Variants in GRHL2 observed in about 807,000 individuals in gnomAD.
GRHL2 encodes the protein grainyhead like transcription factor 2, also known as grainyhead-like protein 2 homolog.
In GRHL2, 21 loss-of-function variants were observed where a neutral mutation model predicts 83.8. That is an observed-to-expected ratio of 0.25 (90% CI 0.18 to 0.36). The LOEUF (loss-of-function observed/expected upper bound fraction) is 0.36. Ranked by LOEUF, GRHL2 falls within the 10% of genes least tolerant of loss-of-function variation. The probability of loss-of-function intolerance (pLI) is 1.00; values close to 1 mark genes in which losing one functional copy is unlikely to be tolerated. For missense variants in GRHL2, 623 were observed against 781.8 expected, an observed-to-expected ratio of 0.80 and a Z score of 2.42; for synonymous variants, 280 against 278.9, an observed-to-expected ratio of 1.00 and a Z score of -0.04.
At chr8:101,628,120 GAACA>G (rs1228987153) in intron 9 of GRHL2, among the ~76,000 whole-genome samples, 1 of 152,154 alleles carries the variant, frequency 6.6e-6, no homozygotes, top group African/African-American at 2.4e-5. Context: ...TTTCATTGTA[GAACA>G]AACAGCCTTC....
intron 4 of GRHL2, among the ~76,000 whole-genome samples, chr8:101,567,426 C>A (rs1811739661): frequency 6.6e-6 from 1 of 152,168 alleles, no homozygotes. Flanking sequence ...CATTTTGATT[C>A]TAATTCCTAA....
chr8:101,665,112 T>A (rs145196813), intron 15 of GRHL2, among the ~76,000 whole-genome samples: 57 of 152,294 alleles, frequency 3.7e-4, no homozygotes, highest in Admixed American at 2.6e-4. Context: ...GATTTATTGA[T>A]GAAGAAAGCA....
chr8:101,603,719 G>A (rs1197573793), intron 8 of GRHL2, among the ~76,000 whole-genome samples: 1 of 152,198 alleles, frequency 6.6e-6, no homozygotes. Context: ...AATGACACAT[G>A]CAGCAGGAAT....
At chr8:101,640,438 A>G (rs1317630912) in intron 12 of GRHL2, among the ~76,000 whole-genome samples, 1 of 152,154 alleles carries the variant, frequency 6.6e-6, no homozygotes, top group Admixed American at 6.5e-5. Flanking sequence ...CAAACAAATA[A>G]TTTTCTGTAG....
chr8:101,509,114 C>T (rs1183445396), intron 1 of GRHL2, among the ~76,000 whole-genome samples: 12 of 23,586 alleles, frequency 5.1e-4, no homozygotes, highest in African/African-American at 1.4e-3. Context: ...TCTCTCCTTC[C>T]TTCCTTCCTT....
Position 101,644,124 on chromosome 8 carries a change from T to G in GRHL2, c.1518-7T>G. ...TTTACTTAAGGATTTCTGCTTATCT[T>G]TTCTAGTGGCAGTGTCCTTGTTAAA... On this transcript the variant is annotated splice_region_variant and splice_polypyrimidine_tract_variant and intron_variant, in intron 12 of 15. Transcript: ENST00000646743. The G allele has an allele frequency of 6.2e-7, 1 of 1,613,298 alleles. No individual in the cohort carries two copies. Among genetic ancestry groups the G allele is most frequent in the African/African-American group, 1.3e-5 (1 of 75,050 alleles).
At chr8:101,546,445 TGTTGCCCAG>T (rs1811268700) in intron 2 of GRHL2, among the ~76,000 whole-genome samples, 1 of 151,110 alleles carries the variant, frequency 6.6e-6, no homozygotes, top group African/African-American at 2.4e-5. Flanking sequence ...AGTCTCGCTC[TGTTGCCCAG>T]GCTGGAGTGC....
At chr8:101,662,258 G>T (rs563401559) in intron 14 of GRHL2, among the ~76,000 whole-genome samples, 1 of 152,142 alleles carries the variant, frequency 6.6e-6, no homozygotes, top group South Asian at 2.1e-4. Flanking sequence ...TCCTTGGCTC[G>T]TTTGGCTCAG....
chr8:101,670,604 T>A (rs1187200968), downstream of GRHL2, among the ~76,000 whole-genome samples: 1 of 151,998 alleles, frequency 6.6e-6, no homozygotes, highest in Non-Finnish European at 1.5e-5. Context: ...CATTAGGAGG[T>A]CTTGGTGCTC....
chr8:101,508,468 G>T (rs1241499795), intron 1 of GRHL2, among the ~76,000 whole-genome samples: 1 of 148,496 alleles, frequency 6.7e-6, no homozygotes, highest in Non-Finnish European at 1.5e-5. Flanking sequence ...GATCTTGAAA[G>T]TGCTTAGGGT....
intron 1 of GRHL2, among the ~76,000 whole-genome samples, chr8:101,536,093 A>T (rs1811040358): frequency 1.3e-5 from 2 of 152,204 alleles, no homozygotes; most frequent in Non-Finnish European, 2.9e-5. Context: ...AAGGTATAGA[A>T]GTAAGAATGG....
intron 11 of GRHL2, among the ~76,000 whole-genome samples, chr8:101,633,891 C>G (rs1472228541): frequency 6.6e-6 from 1 of 152,108 alleles, no homozygotes; most frequent in East Asian, 1.9e-4. Flanking sequence ...GGCCTCAGTT[C>G]CATGTCAAAG....
chr8:101,514,199 T>C (rs1810522657), intron 1 of GRHL2, among the ~76,000 whole-genome samples: 1 of 152,206 alleles, frequency 6.6e-6, no homozygotes, highest in South Asian at 2.1e-4. Flanking sequence ...GTTCAGTGCT[T>C]TTATGAATAC....
chr8:101,676,809 C>A, the GRHL2 span, among the ~76,000 whole-genome samples: 20 of 152,216 alleles, frequency 1.3e-4, no homozygotes, highest in East Asian at 5.8e-4. Flanking sequence ...TTGGAACCAA[C>A]CCAAATGTCC....
At chr8:101,534,567 AG>A (rs1563568474) in intron 1 of GRHL2, among the ~76,000 whole-genome samples, 2 of 151,924 alleles carry the variant, frequency 1.3e-5, no homozygotes, top group Non-Finnish European at 2.9e-5. Context: ...AGGACTCACG[AG>A]GGTGTGAATT....
chr8:101,599,266 A>C, intron 8 of GRHL2, 115 bp downstream of exon 8: 1 of 767,052 alleles, frequency 1.3e-6, no homozygotes, highest in Middle Eastern at 2.3e-4. Flanking sequence ...TGAACCTTTC[A>C]TCTTTTGCCT....
chr8:101,551,936 C>T (rs557557103), intron 2 of GRHL2, among the ~76,000 whole-genome samples: 192 of 151,364 alleles, frequency 1.3e-3, no homozygotes, highest in African/African-American at 4.3e-3. Context: ...CCCAGGTTCA[C>T]GCCATTCTCT....
intron 1 of GRHL2, among the ~76,000 whole-genome samples, chr8:101,508,671 A>G (rs1340096329): frequency 2.6e-5 from 4 of 152,140 alleles, no homozygotes; most frequent in Non-Finnish European, 5.9e-5. Flanking sequence ...AATGACCACA[A>G]ATTCAAGGTA....
chr8:101,613,197 G>A (rs28712643), intron 8 of GRHL2, among the ~76,000 whole-genome samples: 26,735 of 150,608 alleles, frequency 0.18, 3,359 homozygotes, highest in South Asian at 0.26. Context: ...GTGAGCACTG[G>A]AAGAATATGG....
Sources: gnomAD v4.1 joint callset for allele counts (sites outside exome capture counted in the v4.1 genomes callset) on GRCh38, gnomAD v4.1.1 for gene constraint, MANE v1.5 for transcripts, NCBI Gene and HGNC (gene_info 2026-07-23, HGNC 2026-07-21) for gene names.